GSDMC: variants seen among roughly 807,000 people sequenced by gnomAD.
The protein encoded by GSDMC is gasdermin C, also known as gasdermin-C.
GSDMC carries 59 observed loss-of-function variants against 58.0 expected under a neutral mutation model. That is an observed-to-expected ratio of 1.02 (90% CI 0.82 to 1.26). GSDMC has a LOEUF of 1.26. GSDMC is among the 50% of genes most tolerant of loss of function. The probability of loss-of-function intolerance (pLI) is 0.00; values close to 1 mark genes in which losing one functional copy is unlikely to be tolerated. For synonymous variants in GSDMC, 241 were observed against 220.2 expected, an observed-to-expected ratio of 1.09 and a Z score of -0.83; for missense variants, 659 against 598.5, an observed-to-expected ratio of 1.10 and a Z score of -1.06.
At chr8:129,755,579 A>G (rs1281653121) in intron 6 of GSDMC, among the ~76,000 whole-genome samples, 1 of 152,198 alleles carries the variant, frequency 6.6e-6, no homozygotes, top group Non-Finnish European at 1.5e-5. Flanking sequence ...TAAACATTAT[A>G]ACACTATAAT....
At chr8:129,767,703 G>C (rs1232249592) in intron 3 of GSDMC, among the ~76,000 whole-genome samples, 1 of 152,064 alleles carries the variant, frequency 6.6e-6, no homozygotes, top group African/African-American at 2.4e-5. Flanking sequence ...CAAACACGGA[G>C]CCCAGCCTGT....
chr8:129,757,484 A>G (rs1167948366), intron 6 of GSDMC, among the ~76,000 whole-genome samples: 1 of 152,112 alleles, frequency 6.6e-6, no homozygotes, highest in Non-Finnish European at 1.5e-5. Flanking sequence ...AAAGTAAAAT[A>G]TGAATACTAG....
In GSDMC at chr8:129,776,193, C is replaced by T. The variant is rs2034219096; in HGVS notation, c.313G>A (p.Val105Met). The T allele has an allele frequency of 6.2e-7, 1 of 1,613,746 alleles. No individual in the cohort carries two copies. The highest frequency in any genetic ancestry group is 2.2e-5 in the East Asian group (1 of 44,882). ...MGVNVGIEVS[V>M]SGEASVDHGC... ...TGGTCCACAGAGGCCTCCCCTGACA[C>T]ACTCACTTCTATACCAACATTCACA... Residue 105 changes from valine to methionine, a missense_variant, in exon 3 of 14, where the codon GTG becomes ATG. Transcript: ENST00000276708.
the GSDMC span, among the ~76,000 whole-genome samples, chr8:129,712,590 G>A: frequency 6.6e-6 from 1 of 152,110 alleles, no homozygotes. Flanking sequence ...CCAGGACAAG[G>A]CTATAAATCC....
chr8:129,783,558 GA>G (rs1586626522), intron 1 of GSDMC, among the ~76,000 whole-genome samples: 1 of 152,010 alleles, frequency 6.6e-6, no homozygotes, highest in East Asian at 1.9e-4. Context: ...TCTCTTCAAT[GA>G]AAACTATAAA....
downstream of GSDMC, among the ~76,000 whole-genome samples, chr8:129,747,459 T>C (rs1377632479): frequency 6.6e-6 from 1 of 152,040 alleles, no homozygotes; most frequent in Non-Finnish European, 1.5e-5. Context: ...ATGTGAGCAA[T>C]AGGGATTACT....
rs1299155738 is a variant in GSDMC at position 129,773,537 on chromosome 8, C to T, written c.404+2565G>A. The stretch of plus-strand genomic sequence containing the variant: ...TGGTGGCTCTCACCTGTAATTCCAG[C>T]TCTTTGGGAGGCTGAGGCGGGTGGA... On this transcript the variant is annotated intron_variant, in intron 3 of 13. Transcript: ENST00000276708. 3.3e-5 allele frequency among the ~76,000 whole-genome samples: 5 copies of T among 152,220 alleles called. No homozygotes were observed. The East Asian group carries it at 9.6e-4, about 29-fold the overall frequency.
chr8:129,770,629 G>A (rs1022243888), intron 3 of GSDMC, among the ~76,000 whole-genome samples: 1 of 152,014 alleles, frequency 6.6e-6, no homozygotes, highest in Non-Finnish European at 1.5e-5. Context: ...GGAAAAACCT[G>A]TATTAGATAT....
intron 1 of GSDMC, among the ~76,000 whole-genome samples, chr8:129,782,128 A>G (rs2034432889): frequency 6.6e-6 from 1 of 152,374 alleles, no homozygotes; most frequent in African/African-American, 2.4e-5. Context: ...CAATGGGTCA[A>G]TGAAGAAATT....
the GSDMC span, among the ~76,000 whole-genome samples, chr8:129,728,473 G>T: frequency 6.6e-6 from 1 of 152,176 alleles, no homozygotes; most frequent in South Asian, 2.1e-4. Context: ...CCACATCTCT[G>T]GGTGCTTGGT....
intron 1 of GSDMC, among the ~76,000 whole-genome samples, chr8:129,785,574 A>C (rs1171804701): frequency 6.6e-6 from 1 of 151,860 alleles, no homozygotes; most frequent in Non-Finnish European, 1.5e-5. Context: ...TACAATTAAG[A>C]GTATAATTGT....
At chr8:129,756,967 A>C (rs527983672) in intron 6 of GSDMC, among the ~76,000 whole-genome samples, 3 of 152,116 alleles carry the variant, frequency 2.0e-5, no homozygotes, top group African/African-American at 7.2e-5. Context: ...AAAACTTCAT[A>C]AAAAACTACC....
the GSDMC span, chr8:129,729,068 A>T: frequency 1.6e-5 from 10 of 637,378 alleles, no homozygotes; most frequent in African/African-American, 1.6e-4. Flanking sequence ...AAAAAGAAAT[A>T]ACTCAGTTGA....
At chr8:129,771,966 A>C (rs1384462409) in intron 3 of GSDMC, among the ~76,000 whole-genome samples, 3 of 152,228 alleles carry the variant, frequency 2.0e-5, no homozygotes, top group Non-Finnish European at 4.4e-5. Context: ...ACCTTAAAGA[A>C]CTAGAAAAGA....
At chr8:129,784,951 G>A (rs1425520810) in intron 1 of GSDMC, among the ~76,000 whole-genome samples, 1 of 152,198 alleles carries the variant, frequency 6.6e-6, no homozygotes, top group Non-Finnish European at 1.5e-5. Context: ...GGTGGCTCAT[G>A]CCTGTAATCC....
At chr8:129,735,811 C>A in the GSDMC span, among the ~76,000 whole-genome samples, 98 of 152,150 alleles carry the variant, frequency 6.4e-4, no homozygotes, top group Admixed American at 2.6e-3. Context: ...AAGATCAGAG[C>A]AGAACTAAAG....
chr8:129,706,894 C>T, the GSDMC span, among the ~76,000 whole-genome samples: 1 of 152,226 alleles, frequency 6.6e-6, no homozygotes, highest in African/African-American at 2.4e-5. Flanking sequence ...GTGTGCATTA[C>T]ACCATTTGTT....
At chr8:129,755,796 A>G (rs1361200447) in intron 6 of GSDMC, among the ~76,000 whole-genome samples, 1 of 152,036 alleles carries the variant, frequency 6.6e-6, no homozygotes, top group Non-Finnish European at 1.5e-5. Flanking sequence ...TTAAGTTCTC[A>G]TCAGTTTAAA....
intron 3 of GSDMC, among the ~76,000 whole-genome samples, chr8:129,774,194 A>G (rs1251270790): frequency 6.6e-6 from 1 of 152,208 alleles, no homozygotes; most frequent in Non-Finnish European, 1.5e-5. Context: ...CACTTGCATA[A>G]AAACAGACAT....
Sources: gnomAD v4.1 joint callset for allele counts (sites outside exome capture counted in the v4.1 genomes callset) on GRCh38, gnomAD v4.1.1 for gene constraint, MANE v1.5 for transcripts, NCBI Gene and HGNC (gene_info 2026-07-23, HGNC 2026-07-21) for gene names.